The following DNAH11 variants were observed in gnomAD, a reference collection of about 807,000 sequenced individuals.
DNAH11 encodes the protein axonemal beta dynein heavy chain 11.
In DNAH11, 442 loss-of-function variants were observed where a neutral mutation model predicts 526.0. The observed-to-expected ratio is 0.84, with a 90% CI of 0.78 to 0.91. DNAH11 has a LOEUF of 0.91. Ranked by LOEUF, DNAH11 falls within the 40% of genes least tolerant of loss-of-function variation. DNAH11 has a pLI of 0.00. For synonymous variants in DNAH11, 2,461 were observed against 1,935.9 expected (o/e 1.27, Z -7.12); for missense variants, 6,989 against 5,448.7 (o/e 1.28, Z -8.90).
intron 73 of DNAH11, among the ~76,000 whole-genome samples, chr7:21,872,264 A>G (rs1029260043): frequency 4.6e-5 from 7 of 151,918 alleles, no homozygotes; most frequent in African/African-American, 1.2e-4. Flanking sequence ...TTGGGGGTGC[A>G]TAATTCTGCC....
chr7:21,782,540 T>C (rs1787992941), intron 57 of DNAH11, among the ~76,000 whole-genome samples: 1 of 152,212 alleles, frequency 6.6e-6, no homozygotes, highest in African/African-American at 2.4e-5. Context: ...TTGTTTTGTT[T>C]ATAAAAATTA....
chr7:21,867,983 G>T lies in DNAH11; in HGVS notation c.11815G>T (p.Ala3939Ser), dbSNP rs1783347652. The change falls in exon 72 of 82, where the codon GCC (alanine) becomes TCC (serine). Residue 3939 changes from alanine to serine, a missense_variant. By Grantham distance (99) the Ala-to-Ser change is moderately conservative (BLOSUM62 1). Transcript: ENST00000409508. ...IFFILSPGVDALKDLEILGKR... is the reference protein window; with the variant it reads ...IFFILSPGVDSLKDLEILGKR... Reference sequence around the variant, plus strand: ...CTTCATCCTGTCTCCGGGGGTAGATGCCCTTAAAGACCTGGAGATTCTTGG... The same window carrying T: ...CTTCATCCTGTCTCCGGGGGTAGATTCCCTTAAAGACCTGGAGATTCTTGG... 2.6e-6 allele frequency: 4 copies of T among 1,555,964 alleles called. No homozygotes were observed. Among genetic ancestry groups the T allele is most frequent in the East Asian group, 4.8e-5 (2 of 41,992 alleles).
intron 54 of DNAH11, among the ~76,000 whole-genome samples, chr7:21,755,184 C>T (rs1786575271): frequency 6.6e-6 from 1 of 152,228 alleles, no homozygotes; most frequent in African/African-American, 2.4e-5. Context: ...AATGTGACCT[C>T]TGAATGCCAG....
chr7:21,635,327 C>T (rs962209512), intron 25 of DNAH11, among the ~76,000 whole-genome samples: 6 of 152,054 alleles, frequency 3.9e-5, no homozygotes, highest in Admixed American at 2.0e-4. Flanking sequence ...CAGCTAATTT[C>T]TTGTATTTTT....
intron 31 of DNAH11, among the ~76,000 whole-genome samples, chr7:21,683,483 T>C (rs1006581192): frequency 1.3e-5 from 2 of 152,008 alleles, no homozygotes; most frequent in South Asian, 2.1e-4. Flanking sequence ...TTCAGTGATA[T>C]GAGTATAAAG....
Position 21,873,399 on chromosome 7 carries a change from T to C in DNAH11, c.12093T>C (p.His4031=). 1 of 1,613,992 alleles carries C rather than the reference T, an allele frequency of 6.2e-7. No homozygotes were observed. Among genetic ancestry groups the C allele is most frequent in the Non-Finnish European group, 8.5e-7 (1 of 1,179,874 alleles). ...SAESAPTPDE[H]IIPQGLLENS... Reference sequence around the variant, plus strand: ...AGTCTGCACCTACACCAGATGAGCATATCATCCCTCAAGGACTCCTGGAAA... The same window carrying C: ...AGTCTGCACCTACACCAGATGAGCACATCATCCCTCAAGGACTCCTGGAAA... Residue 4031 remains histidine (H), a synonymous_variant, in exon 74 of 82, where the codon CAT becomes CAC. Coordinates refer to ENST00000409508, the MANE Select transcript of DNAH11 (RefSeq NM_001277115.2).
In DNAH11 at chr7:21,591,191, G is replaced by A. The variant is rs774005260; in HGVS notation, c.2281G>A (p.Gly761Arg). ...TGGGGTTTTCTTTGCTCAGTACATT[G>A]GAAATCTTGACCTTCTTGTGCAAGG... ...KKRNTILKYIGNLDLLVQGYN... is the reference protein window; with the variant it reads ...KKRNTILKYIRNLDLLVQGYN... The change falls in exon 14 of 82, where the codon GGA becomes AGA. Residue 761 changes from glycine (G) to arginine (R), a missense_variant. By Grantham distance (125) the Gly-to-Arg change is moderately radical (BLOSUM62 -2). Coordinates refer to ENST00000409508, the MANE Select transcript of DNAH11 (RefSeq NM_001277115.2). The A allele has an allele frequency of 9.7e-6, 15 of 1,545,042 alleles. No individual in the cohort carries two copies. The highest frequency in any genetic ancestry group is 2.1e-5 in the Admixed American group (1 of 46,908).
At position 21,665,727 on chromosome 7, in the gene DNAH11, G is replaced by C. The variant is rs182548020; in HGVS notation, c.5328+6696G>C. On this transcript the variant is annotated intron_variant, in intron 30 of 81. Transcript: ENST00000409508. ...ATAGAGAAAAGGGATGATTTGTGAAGAAAGCATTTATCCACATAATTATAA... is the reference window on the plus strand; with the variant it reads ...ATAGAGAAAAGGGATGATTTGTGAACAAAGCATTTATCCACATAATTATAA... Among the ~76,000 whole-genome samples the C allele has an allele frequency of 1.4e-4, 21 of 152,196 alleles. No individual in the cohort carries two copies. The South Asian group carries it at 4.4e-3, about 32-fold the overall frequency.
At position 21,901,081 on chromosome 7, in the gene DNAH11, A is replaced by G. The variant is rs1398681815; in HGVS notation, c.13378A>G (p.Ile4460Val). 2 of 1,613,876 alleles carry G rather than the reference A, an allele frequency of 1.2e-6. No homozygotes were observed. Among genetic ancestry groups the G allele is most frequent in the East Asian group, 2.2e-5 (1 of 44,884 alleles). Reference sequence around the variant, plus strand: ...GGAGCTGGCATGCCCTATGCCGGTCATCTTTGCAAAAGCCACCCCCGTGGA... The same window carrying G: ...GGAGCTGGCATGCCCTATGCCGGTCGTCTTTGCAAAAGCCACCCCCGTGGA... Reference protein sequence around the residue: ...LKELACPMPVIFAKATPVDRQ... With the variant: ...LKELACPMPVVFAKATPVDRQ... The change falls in exon 82 of 82, where the codon ATC (isoleucine) becomes GTC (valine). Residue 4460 changes from isoleucine (I) to valine (V), a missense_variant. Coordinates refer to ENST00000409508, the MANE Select transcript of DNAH11 (RefSeq NM_001277115.2).
chr7:21,821,890 C>T (rs1790066531), intron 65 of DNAH11, among the ~76,000 whole-genome samples: 1 of 152,068 alleles, frequency 6.6e-6, no homozygotes, highest in Admixed American at 6.6e-5. Flanking sequence ...CCTGTTGTAA[C>T]CACCATTCTC....
At chr7:21,865,603 G>C (rs990364868) in intron 70 of DNAH11, among the ~76,000 whole-genome samples, 2 of 152,192 alleles carry the variant, frequency 1.3e-5, no homozygotes, top group Admixed American at 6.5e-5. Context: ...GCCTGTGGCA[G>C]AGAAACATAG....
At chr7:21,659,103 A>G in intron 30 of DNAH11, 72 bp downstream of exon 30, 1 of 1,274,392 alleles carries the variant, frequency 7.8e-7, no homozygotes, top group Non-Finnish European at 1.1e-6. Context: ...TCATTCTTTT[A>G]GTCATTCATT....
chr7:21,620,916 A>T (rs1786016749), intron 25 of DNAH11, among the ~76,000 whole-genome samples: 1 of 152,074 alleles, frequency 6.6e-6, no homozygotes, highest in Non-Finnish European at 1.5e-5. Flanking sequence ...ATGGCTGCAT[A>T]GTATTCCATG....
intron 18 of DNAH11, among the ~76,000 whole-genome samples, chr7:21,602,197 G>A (rs1408907862): frequency 1.3e-5 from 2 of 152,070 alleles, no homozygotes; most frequent in African/African-American, 2.4e-5. Flanking sequence ...AAAATTAGCT[G>A]GGCATGGTGG....
chr7:21,874,439 G>A (rs772097516), intron 74 of DNAH11, among the ~76,000 whole-genome samples: 3 of 151,724 alleles, frequency 2.0e-5, no homozygotes, highest in African/African-American at 7.3e-5. Context: ...AGGTTGAAGC[G>A]ATTCTCCTGC....
At chr7:21,603,825 A>G (rs1475004779) in intron 18 of DNAH11, among the ~76,000 whole-genome samples, 1 of 152,236 alleles carries the variant, frequency 6.6e-6, no homozygotes, top group Non-Finnish European at 1.5e-5. Flanking sequence ...GAAAGTAGTC[A>G]TAATAAGTAA....
At chr7:21,614,948 T>C (rs990668447) in intron 20 of DNAH11, among the ~76,000 whole-genome samples, 166 bp from the exon 21 acceptor site, 2 of 152,206 alleles carry the variant, frequency 1.3e-5, no homozygotes, top group Non-Finnish European at 2.9e-5. Context: ...TGCAGCTGAG[T>C]TTGCTCTTCT....
chr7:21,665,336 C>A (rs1274153974), intron 30 of DNAH11, among the ~76,000 whole-genome samples: 2 of 152,060 alleles, frequency 1.3e-5, no homozygotes, highest in Non-Finnish European at 2.9e-5. Context: ...AGTTGGGTTG[C>A]TTTTCCATTT....
chr7:21,594,401 G>A (rs1485591270), intron 14 of DNAH11, among the ~76,000 whole-genome samples: 1 of 152,168 alleles, frequency 6.6e-6, no homozygotes, highest in Admixed American at 6.5e-5. Flanking sequence ...TGAGAGCAGA[G>A]CAGACAAAGT....
Sources: allele counts gnomAD v4.1 joint callset (sites outside exome capture counted in the v4.1 genomes callset), GRCh38; gene constraint gnomAD v4.1.1; transcripts MANE v1.5; gene names NCBI Gene and HGNC (gene_info 2026-07-23, HGNC 2026-07-21).